Variants in ZMAT4 observed in about 807,000 individuals in gnomAD.
ZMAT4 encodes zinc finger matrin-type protein 4.
Under a neutral mutation model 28.7 loss-of-function variants are expected in ZMAT4, and 17 were observed. That is an observed-to-expected ratio of 0.59 (90% confidence interval 0.41 to 0.89). The LOEUF (loss-of-function observed/expected upper bound fraction) is 0.89, where lower values mean the gene tolerates loss of function less well. Among genes scored for constraint, ZMAT4 ranks in the 40% least tolerant of loss-of-function variants. ZMAT4 has a pLI of 0.00. For missense variants in ZMAT4, 240 were observed against 283.8 expected (o/e 0.85, Z 1.11); for synonymous variants, 117 against 109.2 (o/e 1.07, Z -0.44).
intron 2 of ZMAT4, among the ~76,000 whole-genome samples, chr8:40,784,608 G>A (rs999126430): frequency 3.9e-5 from 6 of 152,148 alleles, no homozygotes; most frequent in Admixed American, 6.6e-5. Context: ...GAGCTAAAAC[G>A]TATTGTTTGC....
intron 3 of ZMAT4, among the ~76,000 whole-genome samples, chr8:40,758,346 A>T (rs1011537426): frequency 1.3e-5 from 2 of 152,200 alleles, no homozygotes; most frequent in African/African-American, 4.8e-5. Flanking sequence ...CGTAAGAGAA[A>T]GTTGGTAGAC....
chr8:40,531,184 C>T lies in ZMAT4; in HGVS notation c.*1039G>A, dbSNP rs1385120183. The T allele has an allele frequency of 1.3e-5, 2 of 152,310 alleles. No homozygotes were observed. The highest frequency in any genetic ancestry group is 2.1e-4 in the South Asian group (1 of 4,822). 9.4% of individuals were successfully genotyped at this position (152,310 alleles called of 1,614,324 possible). ...AAGAGCCTCATGATCTGCACTCAGA[C>T]GCTCCCCATCAGAAAGGAACTGTTT... is the stretch of plus-strand genomic sequence containing the variant. On this transcript the variant is annotated 3_prime_UTR_variant, in exon 7 of 7. Coordinates refer to ENST00000297737, the MANE Select transcript of ZMAT4 (RefSeq NM_024645.3).
chr8:40,782,170 G>A lies in ZMAT4; in HGVS notation c.103-14440C>T, dbSNP rs193085418. ...TGGGAGGCTGAGGTGGGTGGATCTC[G>A]AGGTCAGGAGTTCAAGACCAGCCTG... On this transcript the variant is annotated intron_variant, in intron 2 of 6. Transcript: ENST00000297737. Among the ~76,000 whole-genome samples the A allele has an allele frequency of 4.3e-3, 660 of 152,192 alleles. 4 individuals carry two copies. The highest frequency in any genetic ancestry group is 0.015 in the African/African-American group (626 of 41,524).
chr8:40,732,307 A>T (rs1811575012), intron 3 of ZMAT4, among the ~76,000 whole-genome samples: 1 of 152,146 alleles, frequency 6.6e-6, no homozygotes, highest in African/African-American at 2.4e-5. Context: ...CTACAACGGG[A>T]AGGTCAGACC....
intron 6 of ZMAT4, among the ~76,000 whole-genome samples, chr8:40,554,218 G>A (rs2118434496): frequency 6.6e-6 from 1 of 152,192 alleles, no homozygotes; most frequent in South Asian, 2.1e-4. Context: ...TAAAAAGCAA[G>A]GATAGAACAG....
intron 2 of ZMAT4, among the ~76,000 whole-genome samples, chr8:40,799,102 G>A (rs1011761668): frequency 6.9e-6 from 1 of 145,242 alleles, no homozygotes; most frequent in African/African-American, 2.6e-5. Flanking sequence ...TGGATGGATG[G>A]ATTAATAGAG....
intron 1 of ZMAT4, among the ~76,000 whole-genome samples, chr8:40,873,960 T>A (rs907559): frequency 0.83 from 126,557 of 152,106 alleles, 52,663 homozygotes; most frequent in South Asian, 0.85. Context: ...CTCACCACAA[T>A]CCTACTGCTC....
intron 1 of ZMAT4, among the ~76,000 whole-genome samples, chr8:40,852,086 A>G (rs2150636195): frequency 6.6e-6 from 1 of 152,036 alleles, no homozygotes; most frequent in East Asian, 1.9e-4. Flanking sequence ...GGGTTTCATC[A>G]TGTTGGCCAG....
intron 2 of ZMAT4, among the ~76,000 whole-genome samples, chr8:40,817,247 A>T (rs766304530): frequency 1.4e-4 from 21 of 152,202 alleles, no homozygotes; most frequent in Non-Finnish European, 2.4e-4. Flanking sequence ...TACTAAAGAC[A>T]TTATGACACT....
chr8:40,651,131 C>T (rs988067877), intron 5 of ZMAT4, among the ~76,000 whole-genome samples: 2 of 152,054 alleles, frequency 1.3e-5, no homozygotes, highest in African/African-American at 4.8e-5. Flanking sequence ...AAGAGGAAGT[C>T]AAATTGTCCC....
At chr8:40,657,572 C>A (rs1807983213) in intron 5 of ZMAT4, among the ~76,000 whole-genome samples, 1 of 151,848 alleles carries the variant, frequency 6.6e-6, no homozygotes, top group Non-Finnish European at 1.5e-5. Context: ...TGTAATTCTT[C>A]TCTGACTGCT....
At chr8:40,719,831 C>T (rs1430936690) in intron 3 of ZMAT4, among the ~76,000 whole-genome samples, 1 of 152,168 alleles carries the variant, frequency 6.6e-6, no homozygotes, top group Non-Finnish European at 1.5e-5. Context: ...CTCAGCCTCC[C>T]AAAGTGCTGG....
chr8:40,727,398 C>G (rs899917860), intron 3 of ZMAT4, among the ~76,000 whole-genome samples: 1 of 152,196 alleles, frequency 6.6e-6, no homozygotes, highest in Non-Finnish European at 1.5e-5. Flanking sequence ...CAGAATAGCA[C>G]CACCGATCCA....
chr8:40,715,433 G>T (rs931446465), intron 3 of ZMAT4, among the ~76,000 whole-genome samples: 1 of 152,164 alleles, frequency 6.6e-6, no homozygotes, highest in African/African-American at 2.4e-5. Context: ...GAAAGAGCAA[G>T]AGTAGAAACA....
At chr8:40,800,532 G>C (rs1374491988) in intron 2 of ZMAT4, among the ~76,000 whole-genome samples, 1 of 151,938 alleles carries the variant, frequency 6.6e-6, no homozygotes, top group African/African-American at 2.4e-5. Context: ...AATCATAATA[G>C]AAATAATAGA....
At chr8:40,837,242 T>A (rs1347246351) in intron 1 of ZMAT4, among the ~76,000 whole-genome samples, 5 of 152,188 alleles carry the variant, frequency 3.3e-5, no homozygotes, top group Non-Finnish European at 5.9e-5. Flanking sequence ...TGCTGTTTGA[T>A]CTAACCTCCT....
chr8:40,600,897 A>G (rs16889665), intron 5 of ZMAT4, among the ~76,000 whole-genome samples: 31,290 of 151,994 alleles, frequency 0.21, 3,344 homozygotes, highest in Middle Eastern at 0.26. Context: ...AAAATAAGCA[A>G]CTTTTGTCCC....
chr8:40,683,707 T>C (rs908166236), intron 4 of ZMAT4, among the ~76,000 whole-genome samples: 1 of 152,180 alleles, frequency 6.6e-6, no homozygotes, highest in Non-Finnish European at 1.5e-5. Context: ...GGCAAACACA[T>C]TCATTAGTGT....
chr8:40,607,743 C>T (rs1026833237), intron 5 of ZMAT4, among the ~76,000 whole-genome samples: 1 of 152,082 alleles, frequency 6.6e-6, no homozygotes, highest in African/African-American at 2.4e-5. Context: ...GGTGCTCTCC[C>T]CATTCCCCTA....
Sources: gnomAD v4.1 joint callset for allele counts (sites outside exome capture counted in the v4.1 genomes callset) on GRCh38, gnomAD v4.1.1 for gene constraint, MANE v1.5 for transcripts, NCBI Gene and HGNC (gene_info 2026-07-23, HGNC 2026-07-21) for gene names.